Variants in LBP observed in about 807,000 individuals in gnomAD.
LBP encodes lipopolysaccharide-binding protein.
LBP carries 53 observed loss-of-function variants against 56.6 expected under a neutral mutation model. The ratio of observed to expected loss-of-function variants is 0.94; its 90% confidence interval spans 0.75 to 1.18. The LOEUF is 1.18. LBP is among the 50% of genes most tolerant of loss of function. LBP has a pLI of 0.00. For missense variants in LBP, 601 were observed against 598.3 expected (o/e 1.00, Z -0.05); for synonymous variants, 227 against 247.5 (o/e 0.92, Z 0.78).
chr20:38,355,447 G>T (rs1177209710), intron 5 of LBP, 38 bp downstream of exon 5: 2 of 1,582,952 alleles, frequency 1.3e-6, no homozygotes, highest in African/African-American at 2.7e-5. Context: ...CCCGAGCTTG[G>T]CGAGGGCTGA....
chr20:38,369,294 A>G lies in LBP; in HGVS notation c.1149+132A>G, dbSNP rs1229916304. Reference sequence around the variant, plus strand: ...CTCAACTTAAATATTACTTCCCGAGAGAGGGCTTTCTTGCTGGCCCTTACC... The same window carrying G: ...CTCAACTTAAATATTACTTCCCGAGGGAGGGCTTTCTTGCTGGCCCTTACC... On this transcript the variant is annotated intron_variant, in intron 10 of 14. Transcript: ENST00000217407. 3.3e-6 allele frequency: 3 copies of G among 918,348 alleles called. No homozygotes were observed. The African/African-American group carries it at 5.0e-5, about 15-fold the overall frequency. 56.9% of individuals were successfully genotyped at this position (918,348 alleles called of 1,614,324 possible).
chr20:38,351,467 G>T (rs151232885), intron 3 of LBP, among the ~76,000 whole-genome samples: 2 of 152,058 alleles, frequency 1.3e-5, no homozygotes, highest in Admixed American at 1.3e-4. Flanking sequence ...TGCTTCCAGG[G>T]GCTCTGGCTC....
intron 14 of LBP, 98 bp downstream of exon 14, chr20:38,374,111 C>A: frequency 1.6e-6 from 2 of 1,271,824 alleles, no homozygotes; most frequent in Non-Finnish European, 2.3e-6. Flanking sequence ...CCAGCCCAGC[C>A]CTGCAGCTGG....
intron 12 of LBP, among the ~76,000 whole-genome samples, chr20:38,372,349 G>A (rs562327897): frequency 6.6e-6 from 1 of 152,308 alleles, no homozygotes; most frequent in Middle Eastern, 3.4e-3. Context: ...GAGATGCAGG[G>A]ACCCTGAAGC....
chr20:38,372,962 C>A, intron 12 of LBP, 110 bp from the exon 13 acceptor site: 1 of 834,038 alleles, frequency 1.2e-6, no homozygotes, highest in Non-Finnish European at 2.0e-6. Flanking sequence ...AAAATAGTAG[C>A]ATGATGTAAT....
chr20:38,349,646 C>T lies in LBP; in HGVS notation c.223C>T (p.Arg75Cys), dbSNP rs762734677. 50 of 1,605,244 alleles carry T rather than the reference C, an allele frequency of 3.1e-5. No homozygotes were observed. The highest frequency in any genetic ancestry group is 3.7e-5 in the Non-Finnish European group (44 of 1,175,730). The change falls in exon 2 of 15, where the codon CGC becomes TGC. Residue 75 changes from arginine (R) to cysteine (C), a missense_variant. Transcript: ENST00000217407. Reference protein sequence around the residue: ...DLRIPHVGRGRYEFHSLNIHS... With the variant: ...DLRIPHVGRGCYEFHSLNIHS... ...GAGGATCCCCCACGTCGGCCGTGGG[C>T]GCTATGAGTTCCACAGGTGGGGCTC...
At chr20:38,360,522 G>C (rs993928299) in intron 5 of LBP, among the ~76,000 whole-genome samples, 182 bp from the exon 6 acceptor site, 1 of 152,116 alleles carries the variant, frequency 6.6e-6, no homozygotes, top group Non-Finnish European at 1.5e-5. Flanking sequence ...AGTCCACATG[G>C]GGGCCCACAT....
rs1600721162 is a variant in LBP at position 38,348,781 on chromosome 20, TAG to T, written c.125-766_125-765del. Among the ~76,000 whole-genome samples the T allele has an allele frequency of 9.4e-3, 1,275 of 135,440 alleles. 16 individuals are homozygous for T. The highest frequency in any genetic ancestry group is 0.033 in the African/African-American group (1,192 of 35,608). 88.9% of individuals were successfully genotyped at this position (135,440 alleles called of 152,430 possible). A position where few individuals can be genotyped will look rare whatever the true frequency, so the allele number is the denominator to read the frequency against. On this transcript the variant is annotated intron_variant, in intron 1 of 14. Coordinates refer to ENST00000217407, the MANE Select transcript of LBP (RefSeq NM_004139.5). The stretch of plus-strand genomic sequence containing the variant: ...TAGTTTAGTTTAGTTTAGTTTAGTT[TAG>T]TTTAGTTTTGTTTTGTTTTGTTTTG...
chr20:38,374,579 A>G (rs2076911481), intron 14 of LBP, among the ~76,000 whole-genome samples: 1 of 150,154 alleles, frequency 6.7e-6, no homozygotes, highest in Admixed American at 6.6e-5. Context: ...CCTGGGCAAC[A>G]GAGCAACACT....
chr20:38,347,724 G>T (rs1014553275), intron 1 of LBP, among the ~76,000 whole-genome samples: 6 of 152,130 alleles, frequency 3.9e-5, no homozygotes, highest in African/African-American at 7.2e-5. Flanking sequence ...CTGTCCTGTT[G>T]CATGTACCTG....
chr20:38,372,478 G>C (rs745878160), intron 12 of LBP, among the ~76,000 whole-genome samples: 2 of 152,150 alleles, frequency 1.3e-5, no homozygotes, highest in African/African-American at 4.8e-5. Context: ...CCATCCTGTC[G>C]GGTTTTCAGA....
At chr20:38,373,597 G>A (rs2076908179) in intron 13 of LBP, among the ~76,000 whole-genome samples, 2 of 152,172 alleles carry the variant, frequency 1.3e-5, no homozygotes, top group South Asian at 4.2e-4. Context: ...ACGGGCAAAG[G>A]GCAGGGAGTG....
chr20:38,357,654 G>A (rs1326774018), intron 5 of LBP, among the ~76,000 whole-genome samples: 1 of 152,182 alleles, frequency 6.6e-6, no homozygotes, highest in Non-Finnish European at 1.5e-5. Context: ...AAGTTTATTA[G>A]AGAAGTAATG....
rs1240318261 is a variant in LBP at position 38,366,766 on chromosome 20, C to T, written c.922-3C>T. Reference sequence around the variant, plus strand: ...AAAACTTCTTCATGTCTCTTTGCTGCAGATACCGCCTGACTCTAATATCCG... The same window carrying T: ...AAAACTTCTTCATGTCTCTTTGCTGTAGATACCGCCTGACTCTAATATCCG... On this transcript the variant is annotated splice_region_variant and splice_polypyrimidine_tract_variant and intron_variant, in intron 8 of 14. Transcript: ENST00000217407. 2.5e-6 allele frequency: 4 copies of T among 1,614,030 alleles called. No individual in the cohort carries two copies. The highest frequency in any genetic ancestry group is 1.7e-5 in the Admixed American group (1 of 60,032).
chr20:38,356,438 A>G (rs1042531659), intron 5 of LBP, among the ~76,000 whole-genome samples: 18 of 133,940 alleles, frequency 1.3e-4, no homozygotes, highest in Non-Finnish European at 2.7e-4. Flanking sequence ...ACACACACAC[A>G]CACACACACA....
chr20:38,359,599 A>C (rs1311508330), intron 5 of LBP, among the ~76,000 whole-genome samples: 1 of 79,588 alleles, frequency 1.3e-5, no homozygotes, highest in Non-Finnish European at 2.2e-5. Context: ...AAACAACAAC[A>C]AAAAAAAAAA....
At chr20:38,349,997 G>C (rs1308182382) in intron 2 of LBP, among the ~76,000 whole-genome samples, 4 of 152,122 alleles carry the variant, frequency 2.6e-5, no homozygotes, top group Non-Finnish European at 5.9e-5. Flanking sequence ...AGAGAAGATA[G>C]ACCTTACACT....
At chr20:38,368,471 C>T (rs866441613) in intron 9 of LBP, among the ~76,000 whole-genome samples, 18 of 152,034 alleles carry the variant, frequency 1.2e-4, no homozygotes, top group Non-Finnish European at 2.1e-4. Context: ...TGGTGGTGCA[C>T]ACCTGTAATC....
chr20:38,375,530 G>A (rs755062084), intron 14 of LBP, among the ~76,000 whole-genome samples: 12 of 151,890 alleles, frequency 7.9e-5, no homozygotes, highest in Non-Finnish European at 1.3e-4. Context: ...GCAGTGAGCT[G>A]AGATCATGCC....
Sources: gnomAD v4.1 joint callset for allele counts (sites outside exome capture counted in the v4.1 genomes callset) on GRCh38, gnomAD v4.1.1 for gene constraint, MANE v1.5 for transcripts, NCBI Gene and HGNC (gene_info 2026-07-23, HGNC 2026-07-21) for gene names.